Variants in INPPL1 observed in about 807,000 individuals in gnomAD.
INPPL1 encodes inositol polyphosphate phosphatase like 1, also known as phosphatidylinositol 3,4,5-trisphosphate 5-phosphatase 2.
A neutral mutation model predicts 139.3 loss-of-function variants in INPPL1; 91 were observed. That is an observed-to-expected ratio of 0.65 (90% CI 0.55 to 0.78). The LOEUF is 0.78. INPPL1 is among the 30% of genes least tolerant of loss of function. The pLI is 0.00. For missense variants in INPPL1, 1,411 were observed against 1,665.6 expected, an observed-to-expected ratio of 0.85 and a Z score of 2.66; for synonymous variants, 719 against 686.6, an observed-to-expected ratio of 1.05 and a Z score of -0.74.
chr11:72,232,353 C>G lies in INPPL1; in HGVS notation c.1712+17C>G. ...GACGGCTCGGTGAGGGGGCGCCTTT[C>G]CCATGGTCTCTTTACACCCATCCCA... On this transcript the variant is annotated intron_variant, in intron 14 of 27. Transcript: ENST00000298229. 6.5e-7 allele frequency: 1 copy of G among 1,546,460 alleles called. No individual in the cohort carries two copies. The highest frequency in any genetic ancestry group is 1.2e-5 in the South Asian group (1 of 83,958).
chr11:72,224,823 G>C lies in INPPL1; in HGVS notation c.-162G>C. 3.4e-6 allele frequency: 1 copy of C among 297,224 alleles called. No individual in the cohort carries two copies. 18.4% of individuals were successfully genotyped at this position (297,224 alleles called of 1,614,324 possible). A position where few individuals can be genotyped will look rare whatever the true frequency, so the allele number is the denominator to read the frequency against. ...GCAGCGGCGGCTGCGCGGTGAACGA[G>C]GCGGCCTGCGCGGCGGAGTGCTGAG... is the stretch of plus-strand genomic sequence containing the variant. On this transcript the variant is annotated 5_prime_UTR_variant, in exon 1 of 28. Transcript: ENST00000298229.
Position 72,235,070 on chromosome 11 carries a change from G to T in INPPL1, c.2416-46G>T, listed in dbSNP as rs763403486. ...GGGGCAGCGCGTAGGAGGGGCAGGA[G>T]GAAGTGGCGGGGCTTTGTTCCTCAC... is the stretch of plus-strand genomic sequence containing the variant. On this transcript the variant is annotated intron_variant, in intron 21 of 27. Coordinates refer to ENST00000298229, the MANE Select transcript of INPPL1 (RefSeq NM_001567.4). This position sits in a 1 kb window ranked among gnomAD's most constrained non-coding sequence, Gnocchi z 4.9. 2 of 1,522,068 alleles carry T rather than the reference G, an allele frequency of 1.3e-6. No individual in the cohort carries two copies. Among genetic ancestry groups the T allele is most frequent in the Non-Finnish European group, 1.8e-6 (2 of 1,099,860 alleles). 94.3% of individuals were successfully genotyped at this position (1,522,068 alleles called of 1,614,324 possible).
At chr11:72,230,084 C>T in intron 8 of INPPL1, 37 bp from the exon 9 acceptor site, 1 of 1,612,806 alleles carries the variant, frequency 6.2e-7, no homozygotes, top group Non-Finnish European at 8.5e-7. Context: ...CTGCCTACTC[C>T]AAGGTCTTGT....
chr11:72,237,115 C>T lies in INPPL1; in HGVS notation c.2880-9C>T, dbSNP rs369091284. On this transcript the variant is annotated splice_polypyrimidine_tract_variant and intron_variant, in intron 25 of 27. Coordinates refer to ENST00000298229, the MANE Select transcript of INPPL1 (RefSeq NM_001567.4). ...GATCCTGGCTTAGTCGTTCTGCTTC[C>T]ACACCCAGGTTGAAGCCAGAGGGAG... The T allele has an allele frequency of 4.2e-5, 66 of 1,565,946 alleles. 1 individual carries two copies. The highest frequency in any genetic ancestry group is 5.7e-5 in the Non-Finnish European group (66 of 1,152,870).
upstream of INPPL1, among the ~76,000 whole-genome samples, chr11:72,224,476 G>A (rs1350238393): frequency 2.0e-5 from 3 of 151,236 alleles, no homozygotes; most frequent in Non-Finnish European, 3.0e-5. Context: ...GAACTGAGAA[G>A]CGCTGAATTC....
rs201863115 is a variant in INPPL1, at chr11:72,230,789, C to G, written c.1198-7C>G. On this transcript the variant is annotated splice_polypyrimidine_tract_variant and splice_region_variant and intron_variant, in intron 10 of 27. Transcript: ENST00000298229. Reference sequence around the variant, plus strand: ...TACCCGCCCCTGAGTGGCTGCTGTTCCCCCAGAAGCGGGAGGCCTTCTGCC... The same window carrying G: ...TACCCGCCCCTGAGTGGCTGCTGTTGCCCCAGAAGCGGGAGGCCTTCTGCC... The G allele has an allele frequency of 1.2e-6, 2 of 1,612,334 alleles. No individual in the cohort carries two copies. Among genetic ancestry groups the G allele is most frequent in the Non-Finnish European group, 8.5e-7 (1 of 1,178,856 alleles).
chr11:72,236,555 G>T (rs117181750), intron 25 of INPPL1, among the ~76,000 whole-genome samples: 2 of 152,206 alleles, frequency 1.3e-5, no homozygotes, highest in African/African-American at 4.8e-5. Context: ...AACTATTAAC[G>T]TTCTGGGGAA....
In INPPL1 at chr11:72,231,194, G is replaced by T. The variant is rs763647285; in HGVS notation, c.1497+5G>T. 9.3e-6 allele frequency: 15 copies of T among 1,604,906 alleles called. No homozygotes were observed. Among genetic ancestry groups the T allele is most frequent in the East Asian group, 2.2e-5 (1 of 44,874 alleles). On this transcript the variant is annotated splice_donor_5th_base_variant and intron_variant, in intron 12 of 27. Coordinates refer to ENST00000298229, the MANE Select transcript of INPPL1 (RefSeq NM_001567.4). ...ACGGATCTGGATTACCGCCCGGTGA[G>T]GGGGGGTCATCTTGTCCAGGACCCT...
In INPPL1 at chr11:72,228,531, C is replaced by G; in HGVS notation, c.397+33C>G. ...CCAGTGTGCAGGTCCCCTCCCTGCC[C>G]CTGTCCCTTGGCTCTACCTGCCTCT... On this transcript the variant is annotated intron_variant, in intron 3 of 27. Coordinates refer to ENST00000298229, the MANE Select transcript of INPPL1 (RefSeq NM_001567.4). The surrounding 1 kb of genome is among the most constrained non-coding windows in gnomAD (Gnocchi z 5.0). 1 of 1,598,942 alleles carries G rather than the reference C, an allele frequency of 6.3e-7. No individual in the cohort carries two copies. The highest frequency in any genetic ancestry group is 8.5e-7 in the Non-Finnish European group (1 of 1,178,086).
chr11:72,235,451 G>A lies in INPPL1; in HGVS notation c.2659G>A (p.Glu887Lys), dbSNP rs747360226. 5 of 1,611,506 alleles carry A rather than the reference G, an allele frequency of 3.1e-6. No individual in the cohort carries two copies. The highest frequency in any genetic ancestry group is 4.2e-6 in the Non-Finnish European group (5 of 1,179,710). ...ERLGTRERLY[E>K]WISIDKDEAG... ...CCTGGGCACCCGTGAGCGGCTCTAC[G>A]GTGGGGACTCCACTGGGACATGAGA... The change falls in exon 23 of 28, where the codon GAG becomes AAG. Residue 887 changes from glutamate (E) to lysine (K), a missense_variant and splice_region_variant. Glu to Lys is a moderately conservative substitution (Grantham distance 56). Coordinates refer to ENST00000298229, the MANE Select transcript of INPPL1 (RefSeq NM_001567.4). This position sits in a 1 kb window ranked among gnomAD's most constrained non-coding sequence, Gnocchi z 4.9.
In INPPL1 at chr11:72,238,478, CTATT is replaced by C. The variant is rs1396987725; in HGVS notation, c.*130_*133del. 1.4e-6 allele frequency: 1 copy of C among 734,774 alleles called. No individual in the cohort carries two copies. Among genetic ancestry groups the C allele is most frequent in the Non-Finnish European group, 2.1e-6 (1 of 480,600 alleles). The allele number at this position is 734,774 out of a possible 1,614,324, so 45.5% of individuals were successfully genotyped here. Reference sequence around the variant, plus strand: ...TCTCTCTGCCTATTTATTGGGGTGCCTATTTATTGGGGATCTGCATTCCCCGCTG... The same window carrying C: ...TCTCTCTGCCTATTTATTGGGGTGCCTATTGGGGATCTGCATTCCCCGCTG... On this transcript the variant is annotated 3_prime_UTR_variant, in exon 28 of 28. Transcript: ENST00000298229.
chr11:72,234,589 C>T lies in INPPL1; in HGVS notation c.2389C>T (p.Gln797Ter). Residue 797 changes from glutamine to a stop codon, truncating the protein, a stop_gained, in exon 21 of 28, where the codon CAG becomes TAG. Coordinates refer to ENST00000298229, the MANE Select transcript of INPPL1 (RefSeq NM_001567.4). LOFTEE classifies it high-confidence loss of function. The surrounding 1 kb of genome is among the most constrained non-coding windows in gnomAD (Gnocchi z 4.2). Reference protein sequence around the residue: ...SSDNINFLKVQWSSRQLPTLK... With the variant: ...SSDNINFLKV ...TGACAACATCAACTTCCTCAAAGTG[C>T]AGTGGTCTTCACGCCAGCTGCCCAC... The T allele has an allele frequency of 6.2e-7, 1 of 1,613,670 alleles. No homozygotes were observed. The highest frequency in any genetic ancestry group is 8.5e-7 in the Non-Finnish European group (1 of 1,179,806).
chr11:72,232,684 A>C lies in INPPL1; in HGVS notation c.1771A>C (p.Asn591His). Residue 591 changes from asparagine (N) to histidine (H), a missense_variant, in exon 15 of 28, where the codon AAT becomes CAT. By Grantham distance (68) the Asn-to-His change is moderately conservative. Around this residue, in one of 5 missense-constraint regions of INPPL1, gnomAD observed 363 missense variants for 446.2 expected, o/e 0.81. Transcript: ENST00000298229. ...RLLSLGDRQL[N>H]AFDISLRFTH... ...GCTCTCGCTGGGCGACCGGCAGCTC[A>C]ATGCCTTTGACATCTCTCTGCGTTT... 6.2e-7 allele frequency: 1 copy of C among 1,613,852 alleles called. No homozygotes were observed. The highest frequency in any genetic ancestry group is 2.2e-5 in the East Asian group (1 of 44,854).
rs759397146 is a variant in INPPL1 at position 72,228,282 on chromosome 11, C to G, written c.246+29C>G. On this transcript the variant is annotated intron_variant, in intron 2 of 27. Transcript: ENST00000298229. This position sits in a 1 kb window ranked among gnomAD's most constrained non-coding sequence, Gnocchi z 5.0. ...GGAGCTTGGGCCCCTGACCCCTGAC[C>G]TTGATCCAGCCTAGGGCTTGGGGAC... 2 of 1,614,128 alleles carry G rather than the reference C, an allele frequency of 1.2e-6. No homozygotes were observed. The highest frequency in any genetic ancestry group is 1.7e-6 in the Non-Finnish European group (2 of 1,179,980).
chr11:72,234,524 C>T lies in INPPL1; in HGVS notation c.2327-3C>T, dbSNP rs1948926912. The T allele has an allele frequency of 6.2e-7, 1 of 1,610,038 alleles. No homozygotes were observed. The highest frequency in any genetic ancestry group is 1.1e-5 in the South Asian group (1 of 91,008). Reference sequence around the variant, plus strand: ...AGTTGGGTGTCTCCCACCCCCACCCCAGAATACAAGAAGAGCTTTGAGAAT... The same window carrying T: ...AGTTGGGTGTCTCCCACCCCCACCCTAGAATACAAGAAGAGCTTTGAGAAT... On this transcript the variant is annotated splice_region_variant and splice_polypyrimidine_tract_variant and intron_variant, in intron 20 of 27. Transcript: ENST00000298229. The surrounding 1 kb of genome is among the most constrained non-coding windows in gnomAD (Gnocchi z 4.2).
At chr11:72,227,228 C>T (rs1236501011) in intron 1 of INPPL1, among the ~76,000 whole-genome samples, 1 of 152,212 alleles carries the variant, frequency 6.6e-6, no homozygotes, top group Non-Finnish European at 1.5e-5. Context: ...TTTACTTACT[C>T]TGTGGCCTTA....
In INPPL1 at chr11:72,229,407, C is replaced by T. The variant is rs186423971; in HGVS notation, c.660-58C>T. ...GGTGAGGTTGAGGCTACACCCAGCG[C>T]CCCCTTCCCTATACTTAGGTCGGGG... On this transcript the variant is annotated intron_variant, in intron 5 of 27. Transcript: ENST00000298229. The T allele has an allele frequency of 9.4e-4, 1,445 of 1,538,412 alleles. 4 individuals carry two copies. Among genetic ancestry groups the T allele is most frequent in the South Asian group, 1.1e-3 (102 of 89,356 alleles).
intron 25 of INPPL1, among the ~76,000 whole-genome samples, chr11:72,236,707 T>C (rs368109853): frequency 1.3e-5 from 2 of 152,298 alleles, no homozygotes; most frequent in African/African-American, 4.8e-5. Context: ...CCCGGTTTTA[T>C]CCCTAGGCTT....
chr11:72,233,560 G>A, intron 18 of INPPL1, 38 bp downstream of exon 18: 1 of 1,607,602 alleles, frequency 6.2e-7, no homozygotes, highest in Middle Eastern at 1.7e-4. Flanking sequence ...GAGATCTGGG[G>A]TGGTCACCAT....
Sources: gnomAD v4.1 joint callset for allele counts (sites outside exome capture counted in the v4.1 genomes callset) on GRCh38, gnomAD v4.1.1 for gene constraint, gnomAD v4.1.1 regional missense constraint, Gnocchi (gnomAD v3.1) non-coding constraint, MANE v1.5 for transcripts, NCBI Gene and HGNC (gene_info 2026-07-23, HGNC 2026-07-21) for gene names.